The following RPL21 variants were observed in gnomAD, a reference collection of about 807,000 sequenced individuals.
The protein encoded by RPL21 is ribosomal protein L21.
RPL21 carries 1 observed loss-of-function variant against 21.2 expected under a neutral mutation model. The observed-to-expected ratio is 0.05, with a 90% confidence interval of 0.02 to 0.22. The LOEUF (loss-of-function observed/expected upper bound fraction) is 0.22. Ranked by LOEUF, RPL21 falls within the 10% of genes least tolerant of loss-of-function variation. The pLI, the probability that RPL21 is intolerant of heterozygous loss-of-function variation, is 1.00. For missense variants in RPL21, 113 were observed against 199.4 expected (o/e 0.57, Z 2.61); for synonymous variants, 52 against 62.9 (o/e 0.83, Z 0.82).
chr13:27,254,723 A>G (rs1303383899), intron 3 of RPL21, among the ~76,000 whole-genome samples: 1 of 152,072 alleles, frequency 6.6e-6, no homozygotes, highest in Non-Finnish European at 1.5e-5. Flanking sequence ...GGGTTTCTCC[A>G]TGTTGGTCAG....
chr13:27,252,573 A>T (rs74041086), intron 1 of RPL21, among the ~76,000 whole-genome samples: 2,387 of 152,238 alleles, frequency 0.016, 67 homozygotes, highest in African/African-American at 0.054. Context: ...GAGTTAACTG[A>T]TTATGCCACT....
chr13:27,255,582 T>TTTGTTTCGAG, intron 4 of RPL21: 1 of 687,088 alleles, frequency 1.5e-6, no homozygotes, highest in Non-Finnish European at 2.7e-6. Context: ...GTTTGTTTGT[T>TTTGTTTCGAG]TTGTTTCGAG....
intron 1 of RPL21, 97 bp downstream of exon 1, chr13:27,251,682 C>T (rs1566037700): frequency 6.6e-6 from 1 of 152,364 alleles, no homozygotes; most frequent in Non-Finnish European, 1.5e-5. Flanking sequence ...CGTGGGGAGA[C>T]TCTCTAACCT....
intron 3 of RPL21, chr13:27,254,878 G>A (rs1229002758): frequency 1.3e-5 from 5 of 383,808 alleles, no homozygotes; most frequent in East Asian, 6.6e-5. Context: ...CTCATTACCC[G>A]CTTGGAGTTA....
intron 1 of RPL21, chr13:27,251,967 CCTTT>C (rs1345990507): frequency 6.6e-6 from 1 of 152,440 alleles, no homozygotes; most frequent in Middle Eastern, 3.4e-3. Context: ...TGGCCTGATG[CCTTT>C]CTAACTCCTT....
At position 27,256,307 on chromosome 13, in the gene RPL21, A is replaced by G. The variant is rs145002849; in HGVS notation, c.366A>G (p.Lys122=). 396 of 1,609,230 alleles carry G rather than the reference A, an allele frequency of 2.5e-4. No individual in the cohort carries two copies. The highest frequency in any genetic ancestry group is 3.1e-4 in the Non-Finnish European group (369 of 1,176,904). The part of the protein sequence containing the change: ...NDQKKKEAKE[K]GTWVQLKRQP... ...AGAAAAAGAAAGAAGCCAAAGAGAA[A>G]GGTACCTGGGTTCAACTAAAGCGCC... The change falls in exon 5 of 6, where the codon AAA becomes AAG. Residue 122 remains lysine (K), a synonymous_variant. Transcript: ENST00000311549.
In RPL21 at chr13:27,252,414, G is replaced by A. The variant is rs143828902; in HGVS notation, c.-13+829G>A. Among the ~76,000 whole-genome samples, 5 of 152,278 alleles carry A rather than the reference G, an allele frequency of 3.3e-5. No individual in the cohort carries two copies. The East Asian group carries it at 9.6e-4, about 29-fold the overall frequency. ...AGGTTGCTCTTTATGGTGGATCCTA[G>A]TTGCCATGATTTTAATACTCTTACA... On this transcript the variant is annotated intron_variant, in intron 1 of 5. Transcript: ENST00000311549.
At chr13:27,252,898 G>T (rs1475030761) in intron 1 of RPL21, among the ~76,000 whole-genome samples, 1 of 152,336 alleles carries the variant, frequency 6.6e-6, no homozygotes, top group African/African-American at 2.4e-5. Flanking sequence ...TTACCTTATG[G>T]TAGGAGTAAT....
At chr13:27,252,383 A>G (rs1014504944) in intron 1 of RPL21, among the ~76,000 whole-genome samples, 1 of 152,148 alleles carries the variant, frequency 6.6e-6, no homozygotes, top group African/African-American at 2.4e-5. Flanking sequence ...GAGTCGAGCA[A>G]ACTGCAGGTT....
At chr13:27,254,060 T>G (rs1376935087) in intron 2 of RPL21, among the ~76,000 whole-genome samples, 160 bp from the exon 3 acceptor site, 3 of 152,198 alleles carry the variant, frequency 2.0e-5, no homozygotes, top group Admixed American at 2.0e-4. Context: ...AGGTTGTGAT[T>G]TAGTAGGCTG....
chr13:27,255,486 C>T, intron 4 of RPL21, 132 bp downstream of exon 4: 2 of 766,276 alleles, frequency 2.6e-6, no homozygotes, highest in Non-Finnish European at 4.8e-6. Context: ...AAAACTCAGG[C>T]AAACTGGGTG....
chr13:27,254,023 A>G (rs1881771306), intron 2 of RPL21, among the ~76,000 whole-genome samples, 180 bp downstream of exon 2: 1 of 152,234 alleles, frequency 6.6e-6, no homozygotes, highest in Admixed American at 6.5e-5. Context: ...GTGACTAAGT[A>G]TTGATGCAAG....
At chr13:27,253,547 A>T (rs1457012998) in intron 1 of RPL21, among the ~76,000 whole-genome samples, 1 of 152,230 alleles carries the variant, frequency 6.6e-6, no homozygotes, top group Non-Finnish European at 1.5e-5. Context: ...CTGCTCCTTA[A>T]GAGTTTTGAT....
chr13:27,253,725 G>A, intron 1 of RPL21, 40 bp from the exon 2 acceptor site: 1 of 1,161,720 alleles, frequency 8.6e-7, no homozygotes, highest in Non-Finnish European at 1.3e-6. Context: ...GCAAATGCCA[G>A]TTTTCAGTCG....
intron 2 of RPL21, 30 bp downstream of exon 2, chr13:27,253,873 C>T (rs781029733): frequency 3.3e-6 from 4 of 1,221,648 alleles, no homozygotes; most frequent in Admixed American, 3.4e-5. Flanking sequence ...TTGAGAGAAG[C>T]ATGGCACACA....
chr13:27,254,968 A>C, intron 3 of RPL21: 1 of 582,506 alleles, frequency 1.7e-6, no homozygotes. Flanking sequence ...TGCAAAGTTT[A>C]ATTATTGATG....
At chr13:27,255,422 G>GT (rs758030524) in intron 4 of RPL21, 68 bp downstream of exon 4, 9 of 792,518 alleles carry the variant, frequency 1.1e-5, no homozygotes, top group Non-Finnish European at 2.1e-5. Flanking sequence ...CACTTTGCCA[G>GT]TTGGACTTAT....
At position 27,251,558 on chromosome 13, in the gene RPL21, C is replaced by T. The variant is rs899456327; in HGVS notation, c.-40C>T. ...GCGCGCGCCGCGGCCCCGCCTCTTT[C>T]CTTTCGGCCGGAACCGCCATCTTCC... On this transcript the variant is annotated 5_prime_UTR_variant, in exon 1 of 6. Coordinates refer to ENST00000311549, the MANE Select transcript of RPL21 (RefSeq NM_000982.4). The T allele has an allele frequency of 2.0e-5, 3 of 152,368 alleles. No individual in the cohort carries two copies. The highest frequency in any genetic ancestry group is 2.9e-5 in the Non-Finnish European group (2 of 68,138). 9.4% of individuals were successfully genotyped at this position (152,368 alleles called of 1,614,324 possible).
rs540014579 is a variant in RPL21, at chr13:27,254,163, T to G, written c.68-57T>G. 755 of 1,076,292 alleles carry G rather than the reference T, an allele frequency of 7.0e-4. 10 individuals are homozygous for G. In the East Asian group the frequency reaches 0.017, roughly 25 times the overall value. 66.7% of individuals were successfully genotyped at this position (1,076,292 alleles called of 1,614,324 possible). A position where few individuals can be genotyped will look rare whatever the true frequency, so the allele number is the denominator to read the frequency against. ...GTGTTAAAAGCTAGTAAAATTGCAT[T>G]TCTTTTACTCTAGATTTTTAGCCTT... On this transcript the variant is annotated intron_variant, in intron 2 of 5. Transcript: ENST00000311549.
Sources: gnomAD v4.1 joint callset for allele counts (sites outside exome capture counted in the v4.1 genomes callset) on GRCh38, gnomAD v4.1.1 for gene constraint, MANE v1.5 for transcripts, NCBI Gene and HGNC (gene_info 2026-07-23, HGNC 2026-07-21) for gene names.